The following CASK variants were observed in gnomAD, a reference collection of about 807,000 sequenced individuals.
CASK encodes calcium/calmodulin dependent serine protein kinase.
CASK carries 4 observed loss-of-function variants against 82.9 expected under a neutral mutation model. That is an observed-to-expected ratio of 0.05 (90% CI 0.02 to 0.11). The LOEUF (loss-of-function observed/expected upper bound fraction) is 0.11. Among genes scored for constraint, CASK ranks in the 10% least tolerant of loss-of-function variants. The pLI is 1.00. For missense variants in CASK, 358 were observed against 720.9 expected (o/e 0.50, Z 5.76); for synonymous variants, 259 against 253.5 (o/e 1.02, Z -0.20).
chrX:41,724,255 A>G (rs1294634506), intron 5 of CASK: 1 of 112,879 alleles, frequency 8.9e-6, no homozygotes, highest in Non-Finnish European at 1.9e-5. Flanking sequence ...TGCCCTGAAC[A>G]ATATAACCTT....
At chrX:41,643,985 C>G (rs759623665) in intron 8 of CASK, among the ~76,000 whole-genome samples, 2 of 111,480 alleles carry the variant, frequency 1.8e-5, no homozygotes, top group African/African-American at 6.5e-5. Context: ...TAGCATGAAG[C>G]GCTGTTGAAT....
chrX:41,579,252 A>T (rs1018140559), intron 14 of CASK, among the ~76,000 whole-genome samples: 2 of 112,433 alleles, frequency 1.8e-5, no homozygotes, highest in East Asian at 5.5e-4. Flanking sequence ...ACACAGATGT[A>T]CCTTAAAAAC....
chrX:41,625,507 A>C (rs1237846511), intron 10 of CASK, among the ~76,000 whole-genome samples: 2 of 110,128 alleles, frequency 1.8e-5, no homozygotes, highest in Non-Finnish European at 3.8e-5. Context: ...AATTTTTAAG[A>C]GGCGAGGTCT....
At chrX:41,751,559 T>C (rs776956106) in intron 3 of CASK, among the ~76,000 whole-genome samples, 1 of 101,239 alleles carries the variant, frequency 9.9e-6, no homozygotes, top group African/African-American at 3.7e-5. Flanking sequence ...TTAGGAACTC[T>C]AGAGAGGTAG....
chrX:41,717,641 G>A (rs1164956249), intron 5 of CASK, among the ~76,000 whole-genome samples: 3 of 112,048 alleles, frequency 2.7e-5, no homozygotes, highest in Non-Finnish European at 3.8e-5. Context: ...TATGTTTGCC[G>A]AGAGCACTCT....
At chrX:41,573,518 TC>T (rs2065444436) in intron 15 of CASK, among the ~76,000 whole-genome samples, 1 of 111,492 alleles carries the variant, frequency 9.0e-6, no homozygotes, top group African/African-American at 3.3e-5. Flanking sequence ...AAATTCTTTT[TC>T]TTGCTGTGTT....
intron 2 of CASK, among the ~76,000 whole-genome samples, chrX:41,813,831 G>A (rs1223108677): frequency 2.7e-5 from 3 of 111,524 alleles, no homozygotes; most frequent in Non-Finnish European, 5.7e-5. Flanking sequence ...GAAAATTTTT[G>A]CAATCTACTC....
chrX:41,876,518 T>C (rs1054795207), intron 1 of CASK, among the ~76,000 whole-genome samples: 2 of 111,921 alleles, frequency 1.8e-5, no homozygotes, highest in African/African-American at 6.5e-5. Flanking sequence ...TCACTTATTT[T>C]ATATATTGAG....
intron 2 of CASK, among the ~76,000 whole-genome samples, chrX:41,806,486 T>C (rs922296546): frequency 8.9e-6 from 1 of 112,340 alleles, no homozygotes; most frequent in Non-Finnish European, 1.9e-5. Context: ...AAAAGTATTT[T>C]AAAATTCTGT....
At chrX:41,786,499 C>T (rs961644098) in intron 3 of CASK, among the ~76,000 whole-genome samples, 2 of 108,685 alleles carry the variant, frequency 1.8e-5, no homozygotes, top group African/African-American at 6.7e-5. Context: ...ACTCTCAAAG[C>T]ACTGAGATTA....
At chrX:41,845,898 C>T (rs975600495) in intron 2 of CASK, among the ~76,000 whole-genome samples, 3 of 111,381 alleles carry the variant, frequency 2.7e-5, no homozygotes, top group African/African-American at 9.8e-5. Context: ...CTTAGAATGG[C>T]TTTTATCTAA....
chrX:41,759,648 A>G (rs2068963588), intron 3 of CASK, among the ~76,000 whole-genome samples: 1 of 111,762 alleles, frequency 8.9e-6, no homozygotes. Flanking sequence ...TTTTAGGCTC[A>G]AGCCTGGCAG....
intron 10 of CASK, among the ~76,000 whole-genome samples, chrX:41,625,044 C>T (rs1399535588): frequency 9.0e-6 from 1 of 111,138 alleles, no homozygotes; most frequent in Non-Finnish European, 1.9e-5. Context: ...TTAGAACACA[C>T]ACACACACGC....
intron 6 of CASK, among the ~76,000 whole-genome samples, chrX:41,666,016 T>C (rs1406534828): frequency 3.6e-5 from 4 of 112,522 alleles, no homozygotes. Flanking sequence ...AATTTGACTC[T>C]GAAATCCTGT....
intron 10 of CASK, among the ~76,000 whole-genome samples, chrX:41,625,399 G>A (rs2066352297): frequency 9.0e-6 from 1 of 110,506 alleles, no homozygotes; most frequent in African/African-American, 3.3e-5. Context: ...TGTTAGCCAG[G>A]ATGGTCTTGA....
chrX:41,701,305 A>G (rs1351817674), intron 5 of CASK, among the ~76,000 whole-genome samples: 1 of 112,056 alleles, frequency 8.9e-6, no homozygotes, highest in African/African-American at 3.2e-5. Flanking sequence ...AACTATAGGG[A>G]AAAATTCATA....
At chrX:41,904,376 T>C (rs183654665) in intron 1 of CASK, among the ~76,000 whole-genome samples, 75 of 111,987 alleles carry the variant, frequency 6.7e-4, no homozygotes, top group African/African-American at 2.4e-3. Flanking sequence ...ATTACATTTC[T>C]ATATACTAAC....
chrX:41,770,853 A>G (rs1005149570), intron 3 of CASK, among the ~76,000 whole-genome samples: 5 of 110,858 alleles, frequency 4.5e-5, no homozygotes, highest in African/African-American at 1.3e-4. Flanking sequence ...AAGCATGGAG[A>G]AAAAAAAACA....
intron 11 of CASK, 132 bp from the exon 12 acceptor site, chrX:41,610,157 G>A: frequency 1.6e-6 from 1 of 614,025 alleles, no homozygotes; most frequent in Non-Finnish European, 2.6e-6. Flanking sequence ...CTTTACTGAA[G>A]GATAGACTTA....
Sources: allele counts gnomAD v4.1 joint callset (sites outside exome capture counted in the v4.1 genomes callset), GRCh38; gene constraint gnomAD v4.1.1; transcripts MANE v1.5; gene names NCBI Gene and HGNC (gene_info 2026-07-23, HGNC 2026-07-21).